Variants in FAM149A observed in about 807,000 individuals in gnomAD.
The protein encoded by FAM149A is family with sequence similarity 149 member A.
Under a neutral mutation model 78.2 loss-of-function variants are expected in FAM149A, and 71 were observed. That is an observed-to-expected ratio of 0.91 (90% confidence interval 0.75 to 1.11). FAM149A has a LOEUF of 1.11. Among genes scored for constraint, FAM149A ranks in the 50% least tolerant of loss-of-function variants. The pLI is 0.00. For synonymous variants in FAM149A, 446 were observed against 410.5 expected, an observed-to-expected ratio of 1.09 and a Z score of -1.04; for missense variants, 1,036 against 971.0, an observed-to-expected ratio of 1.07 and a Z score of -0.89.
intron 1 of FAM149A, chr4:186,145,083 G>C (rs1057158982): frequency 2.0e-6 from 2 of 985,344 alleles, no homozygotes; most frequent in African/African-American, 3.5e-5. Flanking sequence ...CGGGGGCTGC[G>C]AGCACAGGCC....
chr4:186,147,055 A>C, intron 1 of FAM149A: 1 of 845,782 alleles, frequency 1.2e-6, no homozygotes, highest in African/African-American at 1.8e-5. Context: ...AAACAAGAAC[A>C]CAGCATCTTC....
At chr4:186,127,833 G>A (rs544326219) in intron 1 of FAM149A, 1 of 207,432 alleles carries the variant, frequency 4.8e-6, no homozygotes, top group Non-Finnish European at 8.2e-6. Context: ...CTACAGGCCT[G>A]AGCCACCATT....
rs540191382 is a variant in FAM149A at position 186,164,080 on chromosome 4, G to T, written c.1889+447G>T. Among the ~76,000 whole-genome samples, 103 of 152,292 alleles carry T rather than the reference G, an allele frequency of 6.8e-4. No individual in the cohort carries two copies. Among genetic ancestry groups the T allele is most frequent in the Middle Eastern group, 3.4e-3 (1 of 294 alleles). ...GGGAGTTTCAGCAAAGCTGTTGATT[G>T]CAGGATTCACATCCCGTCATGGCCT... On this transcript the variant is annotated intron_variant, in intron 10 of 13. Transcript: ENST00000389354. This position sits in a 1 kb window ranked among gnomAD's most constrained non-coding sequence, Gnocchi z 4.0.
intron 8 of FAM149A, 70 bp from the exon 9 acceptor site, chr4:186,162,775 A>G (rs2126527159): frequency 1.3e-6 from 1 of 792,022 alleles, no homozygotes; most frequent in Non-Finnish European, 2.1e-6. Flanking sequence ...TCGGACAAGC[A>G]TCAGTCATTG....
chr4:186,152,357 G>C (rs1433880749), intron 4 of FAM149A, among the ~76,000 whole-genome samples: 1 of 152,152 alleles, frequency 6.6e-6, no homozygotes, highest in Non-Finnish European at 1.5e-5. Flanking sequence ...TGTGTGAGCA[G>C]CACATGTCTG....
chr4:186,109,931 G>A (rs981672562), intron 1 of FAM149A: 38 of 985,272 alleles, frequency 3.9e-5, no homozygotes, highest in Admixed American at 6.2e-5. Flanking sequence ...ACTGAGTGCT[G>A]TGTAACACCC....
At position 186,158,028 on chromosome 4, in the gene FAM149A, C is replaced by T. The variant is rs967878268; in HGVS notation, c.1575+309C>T. 13 of 1,424,910 alleles carry T rather than the reference C, an allele frequency of 9.1e-6. No homozygotes were observed. In the Admixed American group the frequency reaches 1.3e-4, roughly 14 times the overall value. 88.3% of individuals were successfully genotyped at this position (1,424,910 alleles called of 1,614,324 possible). On this transcript the variant is annotated intron_variant, in intron 8 of 13. Coordinates refer to ENST00000389354, the MANE Select transcript of FAM149A (RefSeq NM_001367768.3). ...GTATATCCACAAAAGGACGGACCAG[C>T]GATGGCATCTCTGTCATAAATCTGA... is the stretch of plus-strand genomic sequence containing the variant.
chr4:186,140,414 A>C (rs2099325300), intron 1 of FAM149A, among the ~76,000 whole-genome samples: 2 of 147,616 alleles, frequency 1.4e-5, no homozygotes, highest in Non-Finnish European at 3.0e-5. Context: ...ATTAGCTGTG[A>C]CTACAGATCC....
At chr4:186,133,019 CCTGCACTCAGCA>C in intron 1 of FAM149A, 1 of 985,336 alleles carries the variant, frequency 1.0e-6, no homozygotes, top group Non-Finnish European at 1.2e-6. Context: ...ATAGAGCTGG[CCTGCACTCAGCA>C]CTGCTTAGGA....
At chr4:186,158,544 G>C in intron 8 of FAM149A, 1 of 1,079,490 alleles carries the variant, frequency 9.3e-7, no homozygotes, top group Non-Finnish European at 1.1e-6. Flanking sequence ...ATGCAGCTGT[G>C]GCCAAGGGGG....
At chr4:186,166,626 G>C (rs1414339580) in intron 11 of FAM149A, among the ~76,000 whole-genome samples, 2 of 146,752 alleles carry the variant, frequency 1.4e-5, no homozygotes, top group African/African-American at 5.2e-5. Context: ...ACTCCAGCCT[G>C]GGTGACAGAG....
At chr4:186,155,098 A>G (rs935932247) in intron 6 of FAM149A, 4 of 209,500 alleles carry the variant, frequency 1.9e-5, no homozygotes, top group African/African-American at 7.1e-5. Flanking sequence ...GAGTAGCTGG[A>G]ACTGCAGGCG....
Position 186,157,727 on chromosome 4 carries a change from C to A in FAM149A, c.1575+8C>A, listed in dbSNP as rs768855709. On this transcript the variant is annotated splice_region_variant and intron_variant, in intron 8 of 13. Coordinates refer to ENST00000389354, the MANE Select transcript of FAM149A (RefSeq NM_001367768.3). The stretch of plus-strand genomic sequence containing the variant: ...CGTCTGAACCCGCCCCAGGTCGGTG[C>A]TTTCACACCCTTCTCCCTCTTGCCT... 1 of 1,598,224 alleles carries A rather than the reference C, an allele frequency of 6.3e-7. No homozygotes were observed. The highest frequency in any genetic ancestry group is 8.5e-7 in the Non-Finnish European group (1 of 1,171,648).
At chr4:186,150,996 C>G (rs960373152) in intron 3 of FAM149A, 1 of 984,020 alleles carries the variant, frequency 1.0e-6, no homozygotes, top group Non-Finnish European at 1.2e-6. Context: ...TGAGCCACTG[C>G]GCCCAGCCTC....
At chr4:186,146,896 G>A (rs1733095364) in intron 1 of FAM149A, 2 of 985,414 alleles carry the variant, frequency 2.0e-6, no homozygotes, top group Non-Finnish European at 2.4e-6. Context: ...CGTCTTCGCC[G>A]TTTGAGTCTT....
At position 186,154,509 on chromosome 4, in the gene FAM149A, C is replaced by T. The variant is rs749626316; in HGVS notation, c.1100C>T (p.Ser367Leu). 11 of 1,614,000 alleles carry T rather than the reference C, an allele frequency of 6.8e-6. No individual in the cohort carries two copies. Among genetic ancestry groups the T allele is most frequent in the Non-Finnish European group, 9.3e-6 (11 of 1,179,992 alleles). Residue 367 changes from serine (S) to leucine (L), a missense_variant, in exon 6 of 14, where the codon TCA (serine) becomes TTA (leucine). This residue lies in a region of FAM149A where 716 missense variants were observed against 711.8 expected (regional missense o/e 1.01). Transcript: ENST00000389354. ...TCTCAAATAGTCCCAGCAGCACTCT[C>T]AGCCTCTGCCCTGCCAGGCCCTGAT...
intron 1 of FAM149A, chr4:186,118,381 G>A: frequency 3.8e-6 from 1 of 266,666 alleles, no homozygotes; most frequent in South Asian, 1.4e-4. Context: ...CAGAAAGGGA[G>A]AATAAGCATT....
chr4:186,133,536 T>C (rs914600571), intron 1 of FAM149A, among the ~76,000 whole-genome samples: 12 of 152,240 alleles, frequency 7.9e-5, no homozygotes, highest in African/African-American at 2.9e-4. Context: ...TGAATCAGAT[T>C]TTCATTCCCT....
intron 11 of FAM149A, among the ~76,000 whole-genome samples, chr4:186,166,585 A>G (rs1475537151): frequency 6.8e-6 from 1 of 146,654 alleles, no homozygotes; most frequent in Non-Finnish European, 1.5e-5. Flanking sequence ...CTGGAGGCCA[A>G]GGTTGCAGTG....
Sources: gnomAD v4.1 joint callset for allele counts (sites outside exome capture counted in the v4.1 genomes callset) on GRCh38, gnomAD v4.1.1 for gene constraint, gnomAD v4.1.1 regional missense constraint, Gnocchi (gnomAD v3.1) non-coding constraint, MANE v1.5 for transcripts, NCBI Gene and HGNC (gene_info 2026-07-23, HGNC 2026-07-21) for gene names.